Variants in ADAMDEC1 observed in about 807,000 individuals in gnomAD.
ADAMDEC1 encodes ADAM like decysin 1.
ADAMDEC1 carries 62 observed loss-of-function variants against 60.4 expected under a neutral mutation model. The ratio of observed to expected loss-of-function variants is 1.03; its 90% confidence interval spans 0.84 to 1.27. ADAMDEC1 has a LOEUF of 1.27. Ranked by LOEUF, ADAMDEC1 falls within the 50% of genes most tolerant of loss-of-function variation. The pLI is 0.00. For missense variants in ADAMDEC1, 595 were observed against 565.0 expected (o/e 1.05, Z -0.54); for synonymous variants, 210 against 195.1 (o/e 1.08, Z -0.64).
At chr8:24,392,454 A>G (rs899601942) in intron 2 of ADAMDEC1, 74 bp downstream of exon 2, 3 of 1,086,068 alleles carry the variant, frequency 2.8e-6, no homozygotes, top group Admixed American at 2.2e-5. Context: ...TCACTAACAG[A>G]AGTGATGTTA....
Position 24,399,410 on chromosome 8 carries a change from A to G in ADAMDEC1, c.947A>G (p.Asn316Ser). The G allele has an allele frequency of 6.2e-7, 1 of 1,613,814 alleles. No individual in the cohort carries two copies. ...AQLLSGISFN[N>S]RRVGLAASNS... ...TCATACAGCGGGATTAGCTTCAACA[A>G]TCGACGTGTGGGACTGGCAGCTTCA... The change falls in exon 10 of 14, where the codon AAT becomes AGT. Residue 316 changes from asparagine (N) to serine (S), a missense_variant. Transcript: ENST00000256412.
chr8:24,398,869 C>CA lies in ADAMDEC1; in HGVS notation c.763-4dup. 1 of 1,610,652 alleles carries CA rather than the reference C, an allele frequency of 6.2e-7. No individual in the cohort carries two copies. The highest frequency in any genetic ancestry group is 8.5e-7 in the Non-Finnish European group (1 of 1,179,072). Reference sequence around the variant, plus strand: ...TTTTTATGAAGATAAATGCTCTTTCCACAGATATATAACACCATAGATGTT... The same window carrying CA: ...TTTTTATGAAGATAAATGCTCTTTCCAACAGATATATAACACCATAGATGTT... On this transcript the variant is annotated splice_polypyrimidine_tract_variant and splice_region_variant and intron_variant, in intron 8 of 13. Transcript: ENST00000256412.
At chr8:24,393,363 A>T in intron 3 of ADAMDEC1, 25 bp downstream of exon 3, 1 of 1,477,456 alleles carries the variant, frequency 6.8e-7, no homozygotes, top group East Asian at 2.3e-5. Flanking sequence ...CTAAAAGTCT[A>T]ATCACTGGAT....
rs1817829117 is a variant in ADAMDEC1, at chr8:24,404,028, C to T, written c.1346C>T (p.Ala449Val). The change falls in exon 13 of 14, where the codon GCC becomes GTC. Residue 449 changes from alanine to valine, a missense_variant. Transcript: ENST00000256412. Reference protein sequence around the residue: ...PKECTNLCCEALTCKLKPGTD... With the variant: ...PKECTNLCCEVLTCKLKPGTD... ...GAGTGTACCAATCTCTGCTGTGAAG[C>T]CCTAACGTGTAAACTGAAGCCTGGA... is the stretch of plus-strand genomic sequence containing the variant. The T allele has an allele frequency of 6.2e-7, 1 of 1,613,650 alleles. No homozygotes were observed.
Position 24,399,004 on chromosome 8 carries a change from TG to T in ADAMDEC1, c.897del (p.Lys301ArgfsTer47), listed in dbSNP as rs1400050633. On this transcript the variant is annotated frameshift_variant, in exon 9 of 14. Coordinates refer to ENST00000256412, the MANE Select transcript of ADAMDEC1 (RefSeq NM_014479.3). LOFTEE classifies it high-confidence loss of function. ...DNFLRWHSSN[L>X]GKKIHDHAQL... ...TTCCTGAGATGGCACAGTTCTAACC[TG>T]GGGAAAAAGATCCACGACCATGCTC... is the stretch of plus-strand genomic sequence containing the variant. 2.5e-6 allele frequency: 4 copies of T among 1,612,902 alleles called. No homozygotes were observed. The highest frequency in any genetic ancestry group is 2.5e-6 in the Non-Finnish European group (3 of 1,179,546).
intron 7 of ADAMDEC1, among the ~76,000 whole-genome samples, chr8:24,398,162 A>G (rs1268661925): frequency 6.6e-6 from 1 of 151,762 alleles, no homozygotes; most frequent in Non-Finnish European, 1.5e-5. Flanking sequence ...CTACATTTCT[A>G]TCTAGTAAAT....
At chr8:24,391,381 T>C (rs1001567740) in intron 1 of ADAMDEC1, among the ~76,000 whole-genome samples, 23 of 152,314 alleles carry the variant, frequency 1.5e-4, no homozygotes, top group South Asian at 8.3e-4. Context: ...TAAATAATTT[T>C]ATATATTTTA....
chr8:24,404,110 G>C (rs768002321), intron 13 of ADAMDEC1, 22 bp downstream of exon 13: 23 of 1,605,548 alleles, frequency 1.4e-5, no homozygotes, highest in Non-Finnish European at 1.7e-5. Context: ...TGTTTTCTTT[G>C]TTCCAAAACG....
rs1252787941 is a variant in ADAMDEC1, at chr8:24,384,430, G to C, written c.-75G>C. 1 of 1,246,532 alleles carries C rather than the reference G, an allele frequency of 8.0e-7. No homozygotes were observed. The highest frequency in any genetic ancestry group is 2.7e-5 in the East Asian group (1 of 36,804). 77.2% of individuals were successfully genotyped at this position (1,246,532 alleles called of 1,614,324 possible). ...CCCCAATCTCACACGAAAAGTGGGG[G>C]TTTTAATTTTCTTGTTCAACTTCTA... On this transcript the variant is annotated 5_prime_UTR_variant, in exon 1 of 14. Coordinates refer to ENST00000256412, the MANE Select transcript of ADAMDEC1 (RefSeq NM_014479.3).
chr8:24,405,005 T>G (rs1327184443), intron 13 of ADAMDEC1, among the ~76,000 whole-genome samples: 1 of 152,130 alleles, frequency 6.6e-6, no homozygotes, highest in African/African-American at 2.4e-5. Flanking sequence ...TAGGTGAACA[T>G]GCCCCTTACT....
intron 12 of ADAMDEC1, among the ~76,000 whole-genome samples, chr8:24,403,387 GCTTT>G (rs1210909431): frequency 6.6e-6 from 1 of 151,130 alleles, no homozygotes; most frequent in Non-Finnish European, 1.5e-5. Flanking sequence ...TTAAAAATAA[GCTTT>G]CTGTCTAGAT....
intron 4 of ADAMDEC1, 145 bp downstream of exon 4, chr8:24,394,292 G>A: frequency 1.8e-6 from 1 of 564,914 alleles, no homozygotes; most frequent in East Asian, 2.9e-5. Flanking sequence ...CAAAGGACTT[G>A]AAAGCAAGTT....
chr8:24,403,934 A>G (rs1328598944), intron 12 of ADAMDEC1, 69 bp from the exon 13 acceptor site: 1 of 1,296,360 alleles, frequency 7.7e-7, no homozygotes, highest in African/African-American at 1.5e-5. Flanking sequence ...TTGTGCCAGA[A>G]TTCTATCACC....
At chr8:24,385,559 A>C (rs1817270971) in intron 1 of ADAMDEC1, among the ~76,000 whole-genome samples, 1 of 152,212 alleles carries the variant, frequency 6.6e-6, no homozygotes, top group Non-Finnish European at 1.5e-5. Flanking sequence ...TAATTTGCAT[A>C]ATGATTTAGT....
At chr8:24,394,817 T>C (rs1044797937) in intron 4 of ADAMDEC1, among the ~76,000 whole-genome samples, 1 of 152,224 alleles carries the variant, frequency 6.6e-6, no homozygotes, top group Non-Finnish European at 1.5e-5. Context: ...AACATCTGAA[T>C]TTTTGCTAAC....
At chr8:24,395,884 T>C in intron 5 of ADAMDEC1, 88 bp downstream of exon 5, 2 of 1,046,598 alleles carry the variant, frequency 1.9e-6, no homozygotes, top group Non-Finnish European at 2.8e-6. Flanking sequence ...TCTTACTATT[T>C]TGGTAAATTT....
At chr8:24,399,142 C>CA in intron 9 of ADAMDEC1, 102 bp downstream of exon 9, 2 of 1,345,250 alleles carry the variant, frequency 1.5e-6, no homozygotes, top group Non-Finnish European at 2.0e-6. Context: ...GATCAACTGT[C>CA]AGAGTGCTTG....
At position 24,405,428 on chromosome 8, in the gene ADAMDEC1, A is replaced by T. The variant is rs1016169404; in HGVS notation, c.*130A>T. ...TTGTCATTCTACTTTCTATATTGTTATCAGTCCAGGAAACAGGTAAACAGA... is the reference window on the plus strand; with the variant it reads ...TTGTCATTCTACTTTCTATATTGTTTTCAGTCCAGGAAACAGGTAAACAGA... On this transcript the variant is annotated 3_prime_UTR_variant, in exon 14 of 14. Coordinates refer to ENST00000256412, the MANE Select transcript of ADAMDEC1 (RefSeq NM_014479.3). 2 of 1,074,144 alleles carry T rather than the reference A, an allele frequency of 1.9e-6. No homozygotes were observed. Among genetic ancestry groups the T allele is most frequent in the Non-Finnish European group, 2.8e-6 (2 of 721,070 alleles). The allele number at this position is 1,074,144 out of a possible 1,614,324, so 66.5% of individuals were successfully genotyped here.
chr8:24,393,274 C>T lies in ADAMDEC1; in HGVS notation c.220C>T (p.Pro74Ser). The part of the protein sequence containing the change: ...EKHGKEERYE[P>S]EVQYQMILNG... ...TAAATGTTTTCAGGAAAGGTATGAA[C>T]CTGAAGTTCAATATCAGATGATCTT... Residue 74 changes from proline to serine, a missense_variant, in exon 3 of 14, where the codon CCT (proline) becomes TCT (serine). By Grantham distance (74) the Pro-to-Ser change is moderately conservative (BLOSUM62 -1). Coordinates refer to ENST00000256412, the MANE Select transcript of ADAMDEC1 (RefSeq NM_014479.3). The T allele has an allele frequency of 6.3e-7, 1 of 1,594,918 alleles. No individual in the cohort carries two copies. Among genetic ancestry groups the T allele is most frequent in the Non-Finnish European group, 8.6e-7 (1 of 1,169,270 alleles).
Sources: allele counts gnomAD v4.1 joint callset (sites outside exome capture counted in the v4.1 genomes callset), GRCh38; gene constraint gnomAD v4.1.1; transcripts MANE v1.5; gene names NCBI Gene and HGNC (gene_info 2026-07-23, HGNC 2026-07-21).